Variants in PEPD observed in about 807,000 individuals in gnomAD.
PEPD encodes the protein xaa-Pro dipeptidase.
A neutral mutation model predicts 60.7 loss-of-function variants in PEPD; 53 were observed. That is an observed-to-expected ratio of 0.87 (90% CI 0.70 to 1.10). The LOEUF (loss-of-function observed/expected upper bound fraction) is 1.10. Among genes scored for constraint, PEPD ranks in the 50% least tolerant of loss-of-function variants. PEPD has a pLI of 0.00. For synonymous variants in PEPD, 267 were observed against 284.1 expected, an observed-to-expected ratio of 0.94 and a Z score of 0.60; for missense variants, 711 against 711.9, an observed-to-expected ratio of 1.00 and a Z score of 0.01.
intron 9 of PEPD, among the ~76,000 whole-genome samples, chr19:33,413,857 A>C (rs2145367945): frequency 6.6e-6 from 1 of 152,324 alleles, no homozygotes; most frequent in Non-Finnish European, 1.5e-5. Flanking sequence ...AGTGACAGAG[A>C]AGCTGGGGGC....
At chr19:33,432,089 C>T (rs1969287166) in intron 9 of PEPD, among the ~76,000 whole-genome samples, 1 of 151,822 alleles carries the variant, frequency 6.6e-6, no homozygotes, top group Admixed American at 6.6e-5. Context: ...AGGTAAGGGC[C>T]ACTCTGGGAA....
At chr19:33,444,722 C>T (rs565015263) in intron 9 of PEPD, among the ~76,000 whole-genome samples, 23 of 151,974 alleles carry the variant, frequency 1.5e-4, no homozygotes, top group African/African-American at 5.5e-4. Context: ...CTGGGCCAGG[C>T]ACTCCCCAGC....
At chr19:33,463,234 T>G (rs1304639248) in intron 8 of PEPD, among the ~76,000 whole-genome samples, 193 bp from the exon 9 acceptor site, 2 of 152,234 alleles carry the variant, frequency 1.3e-5, no homozygotes, top group East Asian at 3.8e-4. Context: ...ACAGTTTATT[T>G]AAACTGCTAT....
At chr19:33,404,605 A>G (rs1968576561) in intron 11 of PEPD, among the ~76,000 whole-genome samples, 1 of 152,160 alleles carries the variant, frequency 6.6e-6, no homozygotes, top group South Asian at 2.1e-4. Context: ...CAGAAAGACC[A>G]TGGGATGGTG....
chr19:33,442,805 G>A (rs1053188889), intron 9 of PEPD, among the ~76,000 whole-genome samples: 9 of 152,052 alleles, frequency 5.9e-5, no homozygotes, highest in Admixed American at 3.3e-4. Context: ...GAATTAAACC[G>A]ATCTTACCTG....
At chr19:33,489,920 A>G (rs754868310) in intron 6 of PEPD, 76 bp downstream of exon 6, 1 of 840,074 alleles carries the variant, frequency 1.2e-6, no homozygotes, top group Non-Finnish European at 2.0e-6. Context: ...TCTTATTTGT[A>G]GACCGGGAAA....
At chr19:33,454,661 CAAAT>C (rs1349640979) in intron 9 of PEPD, among the ~76,000 whole-genome samples, 2 of 149,790 alleles carry the variant, frequency 1.3e-5, no homozygotes, top group South Asian at 2.1e-4. Context: ...AAAGGTTGAA[CAAAT>C]AAATAAATGA....
At chr19:33,469,551 G>A (rs933878189) in intron 7 of PEPD, among the ~76,000 whole-genome samples, 7 of 152,084 alleles carry the variant, frequency 4.6e-5, no homozygotes, top group Non-Finnish European at 1.0e-4. Context: ...AAACTCCCAG[G>A]ACTCCCCATC....
intron 3 of PEPD, among the ~76,000 whole-genome samples, chr19:33,501,677 AAAT>A (rs1970716974): frequency 6.6e-6 from 1 of 151,808 alleles, no homozygotes; most frequent in South Asian, 2.1e-4. Flanking sequence ...ACTCCATCTC[AAAT>A]AATAATAATT....
chr19:33,425,321 CA>C (rs1191644590), intron 9 of PEPD, among the ~76,000 whole-genome samples: 4 of 151,874 alleles, frequency 2.6e-5, no homozygotes, highest in Admixed American at 2.6e-4. Flanking sequence ...AACAAACAAA[CA>C]AAAAGGCTTG....
At chr19:33,439,951 C>A (rs1167594041) in intron 9 of PEPD, among the ~76,000 whole-genome samples, 2 of 152,172 alleles carry the variant, frequency 1.3e-5, no homozygotes, top group East Asian at 3.9e-4. Flanking sequence ...CCCCCGGCCT[C>A]AAGTGATCTC....
At chr19:33,497,193 CACAGT>C (rs1970624021) in intron 4 of PEPD, among the ~76,000 whole-genome samples, 2 of 152,268 alleles carry the variant, frequency 1.3e-5, no homozygotes, top group African/African-American at 4.8e-5. Context: ...GGTCCCACAG[CACAGT>C]GGCCCCTGCT....
intron 4 of PEPD, 91 bp from the exon 5 acceptor site, chr19:33,493,428 A>G (rs901894610): frequency 2.2e-6 from 2 of 917,084 alleles, no homozygotes; most frequent in African/African-American, 3.3e-5. Flanking sequence ...GACAGTGCAC[A>G]TTTATCAAGC....
At chr19:33,440,352 C>G (rs922831909) in intron 9 of PEPD, among the ~76,000 whole-genome samples, 2 of 152,116 alleles carry the variant, frequency 1.3e-5, no homozygotes, top group East Asian at 1.9e-4. Flanking sequence ...CACAACCTAC[C>G]CAGGGCCTGC....
chr19:33,407,861 T>A (rs1968668990), intron 11 of PEPD, among the ~76,000 whole-genome samples: 2 of 152,046 alleles, frequency 1.3e-5, no homozygotes, highest in Non-Finnish European at 2.9e-5. Context: ...CACCACAAAG[T>A]CCCGTCCCTC....
intron 13 of PEPD, among the ~76,000 whole-genome samples, chr19:33,390,672 C>T (rs77620590): frequency 0.012 from 1,790 of 152,350 alleles, 33 homozygotes; most frequent in African/African-American, 0.04. Flanking sequence ...CTCACTTACC[C>T]TCTGGGTGGT....
Position 33,512,794 on chromosome 19 carries a change from C to G in PEPD, c.18-18G>C. 1 of 1,613,402 alleles carries G rather than the reference C, an allele frequency of 6.2e-7. No individual in the cohort carries two copies. Among genetic ancestry groups the G allele is most frequent in the Non-Finnish European group, 8.5e-7 (1 of 1,179,638 alleles). On this transcript the variant is annotated intron_variant, in intron 1 of 14. Coordinates refer to ENST00000244137, the MANE Select transcript of PEPD (RefSeq NM_000285.4). ...ACGAGGGTCTGCAGAGGCAAGAGCA[C>G]ACACCGCCACACAGGCCTCTGTTAG...
intron 2 of PEPD, 84 bp from the exon 3 acceptor site, chr19:33,511,239 G>T (rs997244411): frequency 3.5e-5 from 51 of 1,476,890 alleles, no homozygotes; most frequent in Admixed American, 1.2e-4. Flanking sequence ...GCACCCTAGA[G>T]AGCCAGCTCA....
chr19:33,488,297 G>T (rs925835239), intron 6 of PEPD, among the ~76,000 whole-genome samples: 1 of 152,128 alleles, frequency 6.6e-6, no homozygotes, highest in Non-Finnish European at 1.5e-5. Context: ...GGCTCCAGGT[G>T]AGCATGATCT....
Sources: gnomAD v4.1 joint callset for allele counts (sites outside exome capture counted in the v4.1 genomes callset) on GRCh38, gnomAD v4.1.1 for gene constraint, MANE v1.5 for transcripts, NCBI Gene and HGNC (gene_info 2026-07-23, HGNC 2026-07-21) for gene names.